The following NIBAN2 variants were observed in gnomAD, a reference collection of about 807,000 sequenced individuals.
NIBAN2 encodes the protein niban apoptosis regulator 2, also known as protein Niban 2.
In NIBAN2, 36 loss-of-function variants were observed where a neutral mutation model predicts 81.8. That is an observed-to-expected ratio of 0.44 (90% CI 0.34 to 0.58). The LOEUF is 0.58. Ranked by LOEUF, NIBAN2 falls within the 20% of genes least tolerant of loss-of-function variation. NIBAN2 has a pLI of 0.02. For missense variants in NIBAN2, 897 were observed against 1,014.1 expected (o/e 0.88, Z 1.57); for synonymous variants, 445 against 441.6 (o/e 1.01, Z -0.10).
At chr9:127,520,774 C>T (rs1290504379) in intron 5 of NIBAN2, among the ~76,000 whole-genome samples, 4 of 152,088 alleles carry the variant, frequency 2.6e-5, no homozygotes, top group African/African-American at 7.2e-5. Flanking sequence ...GTCCCAGCTA[C>T]TCGGGAGGCT....
chr9:127,516,823 G>A (rs1181475617), intron 8 of NIBAN2, 34 bp downstream of exon 8: 2 of 1,593,616 alleles, frequency 1.3e-6, no homozygotes, highest in African/African-American at 1.3e-5. Flanking sequence ...CTTGGCCCCT[G>A]GAGGGCCCGT....
At chr9:127,515,720 C>T (rs1363801120) in intron 8 of NIBAN2, among the ~76,000 whole-genome samples, 1 of 149,416 alleles carries the variant, frequency 6.7e-6, no homozygotes. Flanking sequence ...GCCTGTAATC[C>T]CAGCTACTTG....
intron 4 of NIBAN2, 106 bp downstream of exon 4, chr9:127,524,952 C>T: frequency 1.2e-6 from 1 of 811,800 alleles, no homozygotes; most frequent in South Asian, 1.6e-5. Context: ...TAGTTGGTCT[C>T]TCCGCAAACA....
chr9:127,527,407 C>G, intron 2 of NIBAN2, 85 bp from the exon 3 acceptor site: 1 of 1,320,550 alleles, frequency 7.6e-7, no homozygotes. Context: ...CCAGCAGAGC[C>G]TGTGTGCGCA....
Position 127,517,782 on chromosome 9 carries a change from T to G in NIBAN2, c.705+44A>C, listed in dbSNP as rs369192891. On this transcript the variant is annotated intron_variant, in intron 6 of 13. Coordinates refer to ENST00000373312, the MANE Select transcript of NIBAN2 (RefSeq NM_022833.4). The surrounding 1 kb of genome is among the most constrained non-coding windows in gnomAD (Gnocchi z 4.0). ...CCCCCTGCCCTCCCCTGCTGGGTCC[T>G]TGGGTGACTTCTGAGGTTTCCTCAC... 34 of 1,431,062 alleles carry G rather than the reference T, an allele frequency of 2.4e-5. No homozygotes were observed. The highest frequency in any genetic ancestry group is 3.1e-5 in the Non-Finnish European group (32 of 1,020,806). 88.6% of individuals were successfully genotyped at this position (1,431,062 alleles called of 1,614,324 possible).
At chr9:127,535,840 G>T (rs1452281821) in intron 1 of NIBAN2, among the ~76,000 whole-genome samples, 1 of 151,958 alleles carries the variant, frequency 6.6e-6, no homozygotes. Context: ...TCGGCAAGGG[G>T]AGGAATAGTG....
intron 5 of NIBAN2, among the ~76,000 whole-genome samples, chr9:127,522,739 C>A (rs978551060): frequency 6.6e-6 from 1 of 151,984 alleles, no homozygotes; most frequent in African/African-American, 2.4e-5. Flanking sequence ...ATATGAGGGG[C>A]CCTGGGACTT....
At chr9:127,535,578 G>A (rs746549452) in intron 1 of NIBAN2, among the ~76,000 whole-genome samples, 4 of 152,156 alleles carry the variant, frequency 2.6e-5, no homozygotes, top group Non-Finnish European at 5.9e-5. Flanking sequence ...CTGGACCAGC[G>A]CAGTGCTGCC....
upstream of NIBAN2, among the ~76,000 whole-genome samples, chr9:127,569,305 C>T (rs1348894385): frequency 7.3e-5 from 11 of 150,688 alleles, no homozygotes; most frequent in East Asian, 2.0e-3. Context: ...GGGCGGGGCA[C>T]AGGGGCGGTG....
chr9:127,550,180 G>T (rs1261880213), intron 1 of NIBAN2, among the ~76,000 whole-genome samples: 2 of 152,150 alleles, frequency 1.3e-5, no homozygotes, highest in African/African-American at 4.8e-5. Flanking sequence ...CACCCTTCCT[G>T]GCTCCCTGTC....
At chr9:127,538,690 A>C (rs1837324123) in intron 1 of NIBAN2, among the ~76,000 whole-genome samples, 1 of 151,324 alleles carries the variant, frequency 6.6e-6, no homozygotes. Flanking sequence ...CACGCCTGTA[A>C]TCCCAGCACT....
chr9:127,521,689 G>A (rs1031058381), intron 5 of NIBAN2, among the ~76,000 whole-genome samples: 1 of 152,168 alleles, frequency 6.6e-6, no homozygotes, highest in Admixed American at 6.5e-5. Context: ...AGCCTCGTCA[G>A]CTCCCGCCCT....
rs1366657495 is a variant in NIBAN2, at chr9:127,563,126, CG to C, written c.55+5693del. ...GGGTTTAGAAAGGTCCCTTTGGCAG[CG>C]TGTGTGGGAAGGACTAGAGGCTCCG... On this transcript the variant is annotated intron_variant, in intron 1 of 13. Coordinates refer to ENST00000373312, the MANE Select transcript of NIBAN2 (RefSeq NM_022833.4). The surrounding 1 kb of genome is among the most constrained non-coding windows in gnomAD (Gnocchi z 4.1). Among the ~76,000 whole-genome samples, 12 of 152,058 alleles carry C rather than the reference CG, an allele frequency of 7.9e-5. No homozygotes were observed. Among genetic ancestry groups the C allele is most frequent in the Admixed American group, 7.9e-4 (12 of 15,250 alleles).
chr9:127,516,768 T>C (rs779856138), intron 8 of NIBAN2, 89 bp downstream of exon 8: 1 of 1,336,888 alleles, frequency 7.5e-7, no homozygotes, highest in Non-Finnish European at 1.0e-6. Context: ...GAGCAAGTCA[T>C]TGCTGTGAAA....
rs1837904685 is a variant in NIBAN2 at position 127,568,838 on chromosome 9, G to C, written c.37C>G (p.Arg13Gly). ...CCCTCACCTGCGATGTGCTGGCGCC[G>C]GGCGTCGTCCAGGTGCGTGGACAGC... is the stretch of plus-strand genomic sequence containing the variant. The part of the protein sequence containing the change: ...DVLSTHLDDA[R>G]RQHIAEKTGK... Residue 13 changes from arginine (R) to glycine (G), a missense_variant, in exon 1 of 14, where the codon CGG (arginine) becomes GGG (glycine). Arg to Gly is a moderately radical substitution (Grantham distance 125). Coordinates refer to ENST00000373312, the MANE Select transcript of NIBAN2 (RefSeq NM_022833.4). The C allele has an allele frequency of 1.5e-6, 2 of 1,370,354 alleles. No individual in the cohort carries two copies. The highest frequency in any genetic ancestry group is 1.5e-5 in the African/African-American group (1 of 65,844). The allele number at this position is 1,370,354 out of a possible 1,614,324, so 84.9% of individuals were successfully genotyped here.
At chr9:127,523,195 ATATATAT>A (rs1836989181) in intron 5 of NIBAN2, among the ~76,000 whole-genome samples, 3 of 4,560 alleles carry the variant, frequency 6.6e-4, no homozygotes, top group African/African-American at 2.9e-3. Flanking sequence ...AAAAAAAAAT[ATATATAT>A]ATATATATAT....
upstream of NIBAN2, among the ~76,000 whole-genome samples, chr9:127,569,802 A>G (rs561772444): frequency 3.2e-4 from 48 of 152,378 alleles, no homozygotes; most frequent in African/African-American, 1.1e-3. Flanking sequence ...CAGGCTCAGC[A>G]TATGGGCATT....
intron 1 of NIBAN2, among the ~76,000 whole-genome samples, chr9:127,550,925 G>A (rs1227394633): frequency 1.3e-5 from 2 of 152,202 alleles, no homozygotes; most frequent in African/African-American, 2.4e-5. Context: ...AACCAGAGCT[G>A]GCGGATCCTG....
At chr9:127,535,894 G>A (rs1837267130) in intron 1 of NIBAN2, among the ~76,000 whole-genome samples, 1 of 152,076 alleles carries the variant, frequency 6.6e-6, no homozygotes. Context: ...TCCAAACAAG[G>A]GAAGGCCGTG....
Sources: allele counts gnomAD v4.1 joint callset (sites outside exome capture counted in the v4.1 genomes callset), GRCh38; gene constraint gnomAD v4.1.1; non-coding constraint Gnocchi (gnomAD v3.1); transcripts MANE v1.5; gene names NCBI Gene and HGNC (gene_info 2026-07-23, HGNC 2026-07-21).